Variants in AGBL4 observed in about 807,000 individuals in gnomAD.
AGBL4 encodes AGBL carboxypeptidase 4.
Under a neutral mutation model 66.4 loss-of-function variants are expected in AGBL4, and 58 were observed. That is an observed-to-expected ratio of 0.87 (90% CI 0.71 to 1.09). AGBL4 has a LOEUF of 1.09. Among genes scored for constraint, AGBL4 ranks in the 50% least tolerant of loss-of-function variants. AGBL4 has a pLI of 0.00. For synonymous variants in AGBL4, 234 were observed against 222.9 expected (o/e 1.05, Z -0.44); for missense variants, 579 against 631.0 (o/e 0.92, Z 0.88).
intron 4 of AGBL4, among the ~76,000 whole-genome samples, chr1:49,131,025 G>T (rs1421880905): frequency 6.6e-6 from 1 of 151,986 alleles, no homozygotes; most frequent in Non-Finnish European, 1.5e-5. Flanking sequence ...CAAATGAATA[G>T]ATAAAAATAA....
chr1:48,525,839 T>C, the AGBL4 span, among the ~76,000 whole-genome samples: 1 of 152,218 alleles, frequency 6.6e-6, no homozygotes, highest in Non-Finnish European at 1.5e-5. Context: ...AGGAAGACTT[T>C]GGGATATTTC....
At chr1:49,772,355 T>C (rs1644085806) in intron 2 of AGBL4, among the ~76,000 whole-genome samples, 1 of 152,146 alleles carries the variant, frequency 6.6e-6, no homozygotes, top group Non-Finnish European at 1.5e-5. Flanking sequence ...TGTATTGATG[T>C]TTTTGACCTT....
intron 1 of AGBL4, among the ~76,000 whole-genome samples, chr1:49,954,144 C>T (rs939590553): frequency 2.0e-5 from 3 of 151,946 alleles, no homozygotes; most frequent in Admixed American, 2.0e-4. Flanking sequence ...ATCTCTCTGT[C>T]TTAGCATCCC....
chr1:49,258,535 C>A (rs1279997101), intron 3 of AGBL4, among the ~76,000 whole-genome samples: 2 of 151,952 alleles, frequency 1.3e-5, no homozygotes, highest in Non-Finnish European at 2.9e-5. Context: ...CCGATGCGAT[C>A]AACTGGAAGA....
chr1:48,948,127 C>T (rs1160732155), intron 5 of AGBL4, among the ~76,000 whole-genome samples: 1 of 152,162 alleles, frequency 6.6e-6, no homozygotes, highest in African/African-American at 2.4e-5. Flanking sequence ...CATCTCTTTT[C>T]ACTTACAAAT....
intron 1 of AGBL4, among the ~76,000 whole-genome samples, chr1:49,871,790 T>G (rs186663262): frequency 1.3e-5 from 2 of 152,272 alleles, no homozygotes; most frequent in East Asian, 3.9e-4. Context: ...GATGTAAAAT[T>G]GTTGTATTCC....
chr1:49,328,414 T>G (rs1417249964), intron 3 of AGBL4, among the ~76,000 whole-genome samples: 1 of 152,138 alleles, frequency 6.6e-6, no homozygotes, highest in Non-Finnish European at 1.5e-5. Context: ...TTAAGCAAAT[T>G]TATTCTTCTT....
At chr1:48,642,046 T>C (rs1012043992) in intron 8 of AGBL4, among the ~76,000 whole-genome samples, 7 of 152,052 alleles carry the variant, frequency 4.6e-5, no homozygotes, top group Admixed American at 3.9e-4. Flanking sequence ...GTGGGTAAAG[T>C]ACAGAATAAT....
At chr1:49,943,446 A>C (rs963618378) in intron 1 of AGBL4, among the ~76,000 whole-genome samples, 19 of 152,168 alleles carry the variant, frequency 1.2e-4, no homozygotes, top group African/African-American at 3.9e-4. Flanking sequence ...AAACATCCCA[A>C]ATACTCTAAG....
Position 49,279,445 on chromosome 1 carries a change from C to T in AGBL4, c.283-33581G>A, listed in dbSNP as rs1644233253. Among the ~76,000 whole-genome samples, 4 of 152,092 alleles carry T rather than the reference C, an allele frequency of 2.6e-5. No homozygotes were observed. The South Asian group carries it at 8.3e-4, about 31-fold the overall frequency. ...AAAAAGCAGTGTTTGCTTTATTGAA[C>T]ACCTTTCAGTGGATTTTGGAAACAA... On this transcript the variant is annotated intron_variant, in intron 3 of 13. Coordinates refer to ENST00000371839, the MANE Select transcript of AGBL4 (RefSeq NM_032785.4).
intron 3 of AGBL4, among the ~76,000 whole-genome samples, chr1:49,592,357 G>A (rs147461458): frequency 6.6e-6 from 1 of 152,278 alleles, no homozygotes; most frequent in Non-Finnish European, 1.5e-5. Flanking sequence ...GATCATTTGA[G>A]GTCAGGAGTT....
chr1:49,698,912 T>C (rs1283327209), intron 2 of AGBL4, among the ~76,000 whole-genome samples: 2 of 152,046 alleles, frequency 1.3e-5, no homozygotes, highest in Non-Finnish European at 2.9e-5. Context: ...ACCATATGTG[T>C]CTACAAATTT....
intron 3 of AGBL4, among the ~76,000 whole-genome samples, chr1:49,586,654 C>CTGAA (rs1644653407): frequency 7.4e-6 from 1 of 135,910 alleles, no homozygotes; most frequent in South Asian, 2.4e-4. Flanking sequence ...TAGAGACTGA[C>CTGAA]TGACTGACTG....
chr1:49,103,710 A>G (rs994512316), intron 4 of AGBL4, among the ~76,000 whole-genome samples: 18 of 152,128 alleles, frequency 1.2e-4, no homozygotes, highest in African/African-American at 4.1e-4. Flanking sequence ...TACTAAGAAG[A>G]TTCTACACAA....
chr1:49,971,907 G>GTTGTTTTTTTTTTCTTTTTTTT (rs1553155278), intron 1 of AGBL4, among the ~76,000 whole-genome samples: 1 of 23,428 alleles, frequency 4.3e-5, no homozygotes, highest in East Asian at 1.4e-3. Flanking sequence ...GTTTTTTTGG[G>GTTGTTTTTTTTTTCTTTTTTTT]TTTTTTTTTT....
At chr1:49,995,123 A>T in intron 1 of AGBL4, 1 of 456,222 alleles carries the variant, frequency 2.2e-6, no homozygotes, top group Non-Finnish European at 4.4e-6. Flanking sequence ...AAGTAAACTC[A>T]AAGTTTCCTG....
At position 49,167,275 on chromosome 1, in the gene AGBL4, T is replaced by G. The variant is rs979520072; in HGVS notation, c.377+78495A>C. ...TTTATATGTTGACAGAATATAGACC[T>G]CTCATTTTTGCTGGAATGTAGTCTA... On this transcript the variant is annotated intron_variant, in intron 4 of 13. Transcript: ENST00000371839. Among the ~76,000 whole-genome samples the G allele has an allele frequency of 3.3e-5, 5 of 152,292 alleles. No individual in the cohort carries two copies. The South Asian group carries it at 1.0e-3, about 32-fold the overall frequency.
At chr1:48,854,790 A>G (rs904364194) in intron 6 of AGBL4, among the ~76,000 whole-genome samples, 16 of 152,192 alleles carry the variant, frequency 1.1e-4, no homozygotes, top group Admixed American at 8.5e-4. Flanking sequence ...CTTCTGAGTG[A>G]GTCTCTTGTT....
At position 48,736,110 on chromosome 1, in the gene AGBL4, C is replaced by T. The variant is rs2148575206; in HGVS notation, c.635-72869G>A. 1 of 1,054,338 alleles carries T rather than the reference C, an allele frequency of 9.5e-7. No individual in the cohort carries two copies. Among genetic ancestry groups the T allele is most frequent in the Non-Finnish European group, 1.4e-6 (1 of 707,124 alleles). The allele number at this position is 1,054,338 out of a possible 1,614,324, so 65.3% of individuals were successfully genotyped here. A position where few individuals can be genotyped will look rare whatever the true frequency, so the allele number is the denominator to read the frequency against. On this transcript the variant is annotated intron_variant, in intron 6 of 13. Transcript: ENST00000371839. This position sits in a 1 kb window ranked among gnomAD's most constrained non-coding sequence, Gnocchi z 4.0. The stretch of plus-strand genomic sequence containing the variant: ...GCATTTGGGTTATCCGCTTGGTGTC[C>T]CCGGGCTCAGCCCAGGGTCTGGCAT...
Sources: allele counts gnomAD v4.1 joint callset (sites outside exome capture counted in the v4.1 genomes callset), GRCh38; gene constraint gnomAD v4.1.1; non-coding constraint Gnocchi (gnomAD v3.1); transcripts MANE v1.5; gene names NCBI Gene and HGNC (gene_info 2026-07-23, HGNC 2026-07-21).